Variants in BAALC observed in about 807,000 individuals in gnomAD.
The protein encoded by BAALC is brain and acute leukemia cytoplasmic protein.
BAALC carries 9 observed loss-of-function variants against 15.5 expected under a neutral mutation model. That is an observed-to-expected ratio of 0.58 (90% confidence interval 0.35 to 1.02). The LOEUF is 1.02. BAALC is among the 50% of genes least tolerant of loss of function. BAALC has a pLI of 0.02. For missense variants in BAALC, 201 were observed against 192.4 expected, an observed-to-expected ratio of 1.04 and a Z score of -0.27; for synonymous variants, 80 against 74.6, an observed-to-expected ratio of 1.07 and a Z score of -0.37.
chr8:103,215,892 C>T (rs972194467), intron 2 of BAALC, among the ~76,000 whole-genome samples: 1 of 152,240 alleles, frequency 6.6e-6, no homozygotes, highest in Admixed American at 6.5e-5. Context: ...TAAGGTGGCA[C>T]ATCCATGTAA....
chr8:103,176,353 A>G (rs1811605796), intron 1 of BAALC, among the ~76,000 whole-genome samples: 1 of 152,186 alleles, frequency 6.6e-6, no homozygotes. Flanking sequence ...TATAATAGTG[A>G]CAAAAAAACC....
intron 2 of BAALC, 38 bp from the exon 3 acceptor site, chr8:103,227,950 AT>A: frequency 6.9e-7 from 1 of 1,439,700 alleles, no homozygotes; most frequent in Non-Finnish European, 9.7e-7. Context: ...TTTGGTTTAC[AT>A]TTCCTAGTAA....
At chr8:103,168,106 C>A (rs150052845) in intron 1 of BAALC, among the ~76,000 whole-genome samples, 1 of 152,128 alleles carries the variant, frequency 6.6e-6, no homozygotes, top group Non-Finnish European at 1.5e-5. Context: ...CCAGCTCTAC[C>A]GGGCTATATA....
At chr8:103,182,639 T>A (rs1032872797) in intron 1 of BAALC, among the ~76,000 whole-genome samples, 4 of 152,160 alleles carry the variant, frequency 2.6e-5, no homozygotes, top group Non-Finnish European at 5.9e-5. Flanking sequence ...TGTTATTGAT[T>A]ATTATTGTGT....
chr8:103,226,319 G>T (rs765161420), intron 2 of BAALC, among the ~76,000 whole-genome samples: 5 of 152,234 alleles, frequency 3.3e-5, no homozygotes, highest in Non-Finnish European at 7.3e-5. Context: ...CCTGTTTAGG[G>T]CCCAAATGGT....
chr8:103,146,052 G>T (rs954424973), intron 1 of BAALC, among the ~76,000 whole-genome samples: 1 of 151,960 alleles, frequency 6.6e-6, no homozygotes, highest in Non-Finnish European at 1.5e-5. Context: ...TAGACATTTG[G>T]CACAAAGATG....
At chr8:103,197,793 T>G (rs1586422818) in intron 1 of BAALC, among the ~76,000 whole-genome samples, 2 of 152,260 alleles carry the variant, frequency 1.3e-5, no homozygotes, top group East Asian at 3.9e-4. Flanking sequence ...CAGCCAGATG[T>G]CGCATGAACT....
chr8:103,178,310 C>A (rs891839138), intron 1 of BAALC, among the ~76,000 whole-genome samples: 1 of 152,120 alleles, frequency 6.6e-6, no homozygotes, highest in Non-Finnish European at 1.5e-5. Context: ...TGTTCTGTAT[C>A]TTGGTTGCAG....
intron 2 of BAALC, among the ~76,000 whole-genome samples, chr8:103,221,950 G>A (rs191698716): frequency 5.9e-5 from 9 of 152,310 alleles, no homozygotes; most frequent in Non-Finnish European, 1.3e-4. Flanking sequence ...AGGGAGGCAT[G>A]AGACATCAGT....
chr8:103,195,827 AC>A (rs1156415017), intron 1 of BAALC, among the ~76,000 whole-genome samples: 1 of 152,196 alleles, frequency 6.6e-6, no homozygotes, highest in African/African-American at 2.4e-5. Context: ...GACTCTTTCA[AC>A]AAATATTGTT....
At position 103,229,414 on chromosome 8, in the gene BAALC, G is replaced by A. The variant is rs1812873773; in HGVS notation, c.*1315G>A. On this transcript the variant is annotated 3_prime_UTR_variant, in exon 3 of 3. Transcript: ENST00000309982. The stretch of plus-strand genomic sequence containing the variant: ...CAGAGAACTGACATGCAGGTCAAAA[G>A]TCAGATACGCAACCTCCTTATCTGC... 1 of 152,210 alleles carries A rather than the reference G, an allele frequency of 6.6e-6. No individual in the cohort carries two copies. Among genetic ancestry groups the A allele is most frequent in the Admixed American group, 6.5e-5 (1 of 15,290 alleles). 9.4% of individuals were successfully genotyped at this position (152,210 alleles called of 1,614,324 possible).
At chr8:103,152,720 A>T (rs1310857276) in intron 1 of BAALC, among the ~76,000 whole-genome samples, 1 of 152,158 alleles carries the variant, frequency 6.6e-6, no homozygotes, top group Non-Finnish European at 1.5e-5. Context: ...CAACTCCAGG[A>T]ATGGGATTTA....
At chr8:103,222,717 A>G (rs1244930321) in intron 2 of BAALC, among the ~76,000 whole-genome samples, 1 of 152,194 alleles carries the variant, frequency 6.6e-6, no homozygotes, top group Non-Finnish European at 1.5e-5. Context: ...TCATTATTTG[A>G]AAGTGGATTT....
chr8:103,179,479 C>A (rs550073874), intron 1 of BAALC, among the ~76,000 whole-genome samples: 2 of 152,334 alleles, frequency 1.3e-5, no homozygotes, highest in East Asian at 3.9e-4. Flanking sequence ...TGAATAGAAG[C>A]ACAATGTGCT....
chr8:103,226,151 CATT>C (rs1309607612), intron 2 of BAALC, among the ~76,000 whole-genome samples: 3 of 152,142 alleles, frequency 2.0e-5, no homozygotes, highest in Non-Finnish European at 4.4e-5. Context: ...ACCAAGATGT[CATT>C]ATACAGGATG....
chr8:103,166,070 C>CTCCA (rs1811338904), intron 1 of BAALC: 1 of 152,640 alleles, frequency 6.6e-6, no homozygotes, highest in Admixed American at 6.5e-5. Context: ...CAAGCAGGTT[C>CTCCA]TCCATTGTTC....
chr8:103,142,755 T>C (rs536440362), intron 1 of BAALC, among the ~76,000 whole-genome samples: 2 of 152,344 alleles, frequency 1.3e-5, no homozygotes, highest in East Asian at 3.9e-4. Flanking sequence ...TGGCTCTATA[T>C]GTACATACAT....
At chr8:103,219,287 C>G (rs576607552) in intron 2 of BAALC, among the ~76,000 whole-genome samples, 41 of 152,172 alleles carry the variant, frequency 2.7e-4, no homozygotes, top group Non-Finnish European at 5.0e-4. Flanking sequence ...ACTCCTGAGC[C>G]TACTTTAGGG....
chr8:103,220,304 T>G (rs957686314), intron 2 of BAALC, among the ~76,000 whole-genome samples: 1 of 152,170 alleles, frequency 6.6e-6, no homozygotes, highest in African/African-American at 2.4e-5. Context: ...GCGAATACAA[T>G]AACATTCCCA....
Sources: allele counts gnomAD v4.1 joint callset (sites outside exome capture counted in the v4.1 genomes callset), GRCh38; gene constraint gnomAD v4.1.1; transcripts MANE v1.5; gene names NCBI Gene and HGNC (gene_info 2026-07-23, HGNC 2026-07-21).